Variants in HPS5 observed in about 807,000 individuals in gnomAD.
HPS5 encodes HPS5 biogenesis of lysosomal organelles complex 2 subunit 2.
A neutral mutation model predicts 128.0 loss-of-function variants in HPS5; 83 were observed. The observed-to-expected ratio is 0.65, with a 90% CI of 0.54 to 0.78. HPS5 has a LOEUF of 0.78. HPS5 is among the 30% of genes least tolerant of loss of function. The pLI is 0.00. For synonymous variants in HPS5, 475 were observed against 470.2 expected (o/e 1.01, Z -0.13); for missense variants, 1,281 against 1,326.2 (o/e 0.97, Z 0.53).
rs76157775 is a variant in HPS5 at position 18,319,788 on chromosome 11, A to T, written c.-49-1881T>A. On this transcript the variant is annotated intron_variant, in intron 1 of 22. Transcript: ENST00000349215. ...GATAAAACATTTCAATTACTCAAGA[A>T]GTCTGGTGGAAAAGGAGAAAACCTC... Among the ~76,000 whole-genome samples, 1,410 of 152,298 alleles carry T rather than the reference A, an allele frequency of 9.3e-3. 49 individuals carry two copies. Among genetic ancestry groups the T allele is most frequent in the East Asian group, 0.074 (385 of 5,184 alleles).
Position 18,291,468 on chromosome 11 carries a change from CA to C in HPS5, c.2413del (p.Trp805GlyfsTer8). ...KLSYSNSPSV[W>X]DTFIEGLKEM... ...TTTCAATCCTTCAATAAAAGTATCC[CA>C]AACAGAAGGGCTATTACTGTAACTA... On this transcript the variant is annotated frameshift_variant, in exon 16 of 23. Transcript: ENST00000349215. LOFTEE classifies it high-confidence loss of function. The C allele has an allele frequency of 6.2e-7, 1 of 1,610,442 alleles. No individual in the cohort carries two copies. Among genetic ancestry groups the C allele is most frequent in the East Asian group, 2.2e-5 (1 of 44,854 alleles).
chr11:18,320,877 T>C (rs1864235322), intron 1 of HPS5, among the ~76,000 whole-genome samples: 1 of 152,232 alleles, frequency 6.6e-6, no homozygotes. Flanking sequence ...TACACATTGA[T>C]TCAACAGAGC....
At position 18,295,007 on chromosome 11, in the gene HPS5, T is replaced by C. The variant is rs370805277; in HGVS notation, c.1784+13A>G. The C allele has an allele frequency of 9.9e-6, 16 of 1,613,620 alleles. No homozygotes were observed. The Admixed American group carries it at 1.2e-4, about 12-fold the overall frequency. On this transcript the variant is annotated intron_variant, in intron 14 of 22. Transcript: ENST00000349215. ...TCCCTAGAATGTATAGAGATTTATGTGTAAGGGCTTACTCAGTGTCTTCCT... is the reference window on the plus strand; with the variant it reads ...TCCCTAGAATGTATAGAGATTTATGCGTAAGGGCTTACTCAGTGTCTTCCT...
chr11:18,280,509 C>T (rs1472614498), intron 22 of HPS5: 3 of 688,226 alleles, frequency 4.4e-6, no homozygotes, highest in East Asian at 2.7e-5. Context: ...ATAGAATTAC[C>T]ATATGATTCC....
At chr11:18,299,847 T>C (rs1383314987) in intron 9 of HPS5, among the ~76,000 whole-genome samples, 2 of 152,180 alleles carry the variant, frequency 1.3e-5, no homozygotes, top group African/African-American at 4.8e-5. Context: ...TGGAAGACAC[T>C]ATGTTAAGTG....
At chr11:18,289,833 G>T (rs937248123) in intron 16 of HPS5, among the ~76,000 whole-genome samples, 1 of 152,206 alleles carries the variant, frequency 6.6e-6, no homozygotes, top group African/African-American at 2.4e-5. Context: ...GCTGCAGAAA[G>T]GGCAATGCAT....
At chr11:18,301,024 A>G (rs1371374029) in intron 8 of HPS5, 108 bp from the exon 9 acceptor site, 14 of 729,410 alleles carry the variant, frequency 1.9e-5, no homozygotes, top group Non-Finnish European at 3.2e-5. Flanking sequence ...CAAACTGTAC[A>G]AAGAAAACAC....
chr11:18,296,800 T>G lies in HPS5; in HGVS notation c.1508A>C (p.Glu503Ala). 6.2e-7 allele frequency: 1 copy of G among 1,614,042 alleles called. No individual in the cohort carries two copies. Among genetic ancestry groups the G allele is most frequent in the Non-Finnish European group, 8.5e-7 (1 of 1,179,920 alleles). ...CCAACAACAGACACATTCATCACCTTCATTTCCGTGTGAGCCACAACACTG... is the reference window on the plus strand; with the variant it reads ...CCAACAACAGACACATTCATCACCTGCATTTCCGTGTGAGCCACAACACTG... ...PDQCCGSHGN[E>A]DNVSHAPVMF... Residue 503 changes from glutamate to alanine, a missense_variant and splice_region_variant, in exon 12 of 23, where the codon GAA (glutamate) becomes GCA (alanine). By Grantham distance (107) the Glu-to-Ala change is moderately radical (BLOSUM62 -1). Transcript: ENST00000349215.
At chr11:18,281,736 C>A (rs1490013451) in intron 22 of HPS5, among the ~76,000 whole-genome samples, 1 of 152,168 alleles carries the variant, frequency 6.6e-6, no homozygotes, top group African/African-American at 2.4e-5. Flanking sequence ...GAATCAAGGA[C>A]ACATCAGATT....
chr11:18,293,890 AT>A (rs142513436), intron 14 of HPS5, among the ~76,000 whole-genome samples: 112 of 152,260 alleles, frequency 7.4e-4, no homozygotes, highest in African/African-American at 2.6e-3. Flanking sequence ...CTAAGGTCAG[AT>A]AGAAGGCTGC....
In HPS5 at chr11:18,280,685, A is replaced by G. The variant is rs141252167; in HGVS notation, c.3330-743T>C. The stretch of plus-strand genomic sequence containing the variant: ...GATAAACAAAAGGTGGCATATATAT[A>G]CAACGGAATATTATTCAGCCTTAAG... On this transcript the variant is annotated intron_variant, in intron 22 of 22. Coordinates refer to ENST00000349215, the MANE Select transcript of HPS5 (RefSeq NM_181507.2). 2.2e-5 allele frequency: 14 copies of G among 640,252 alleles called. No individual in the cohort carries two copies. The East Asian group carries it at 3.6e-4, about 17-fold the overall frequency. 39.7% of individuals were successfully genotyped at this position (640,252 alleles called of 1,614,324 possible).
At chr11:18,286,284 C>A (rs372476810) in intron 19 of HPS5, among the ~76,000 whole-genome samples, 2 of 152,194 alleles carry the variant, frequency 1.3e-5, no homozygotes, top group East Asian at 3.9e-4. Context: ...GTGGCTCACG[C>A]CTCTAATCCC....
At chr11:18,297,025 T>C in intron 11 of HPS5, 41 bp from the exon 12 acceptor site, 3 of 1,305,898 alleles carry the variant, frequency 2.3e-6, no homozygotes, top group South Asian at 2.5e-5. Context: ...AAGGTAAAAA[T>C]TTCCTTTATA....
rs1301243643 is a variant in HPS5 at position 18,300,853 on chromosome 11, T to C, written c.960A>G (p.Gln320=). Residue 320 remains glutamine (Q), a synonymous_variant, in exon 9 of 23, where the codon CAA becomes CAG. Coordinates refer to ENST00000349215, the MANE Select transcript of HPS5 (RefSeq NM_181507.2). ...GIYIFIPQNV[Q]VLLWSEVKDI... is the part of the protein sequence containing the mutation. The stretch of plus-strand genomic sequence containing the variant: ...CTTTGACTTCACTCCAAAGAAGAAC[T>C]TGAACATTCTGAGGAATGAAAATAT... 2.5e-6 allele frequency: 4 copies of C among 1,587,776 alleles called. No homozygotes were observed. The highest frequency in any genetic ancestry group is 1.1e-5 in the South Asian group (1 of 90,406).
chr11:18,297,003 CAAAAA>C lies in HPS5; in HGVS notation c.1324-24_1324-20del. 1 of 1,146,446 alleles carries C rather than the reference CAAAAA, an allele frequency of 8.7e-7. No homozygotes were observed. The highest frequency in any genetic ancestry group is 2.2e-5 in the Admixed American group (1 of 46,188). The allele number at this position is 1,146,446 out of a possible 1,614,324, so 71.0% of individuals were successfully genotyped here. ...AACTTTCCTAAAAATTAAAAGAATT[CAAAAA>C]AAAAAAAAGGTAAAAATTTCCTTTA... is the stretch of plus-strand genomic sequence containing the variant. On this transcript the variant is annotated intron_variant, in intron 11 of 22. Coordinates refer to ENST00000349215, the MANE Select transcript of HPS5 (RefSeq NM_181507.2).
chr11:18,287,290 A>T (rs2134247451), intron 18 of HPS5, among the ~76,000 whole-genome samples: 1 of 152,360 alleles, frequency 6.6e-6, no homozygotes, highest in South Asian at 2.1e-4. Context: ...CCCTGAATCA[A>T]GGGATTAATT....
intron 8 of HPS5, among the ~76,000 whole-genome samples, chr11:18,303,304 G>C (rs1554940444): frequency 6.6e-6 from 1 of 152,186 alleles, no homozygotes. Flanking sequence ...CTGATGCTGG[G>C]ATGCATACTC....
rs771916227 is a variant in HPS5 at position 18,291,743 on chromosome 11, T to C, written c.2139A>G (p.Pro713=). 1 of 1,614,228 alleles carries C rather than the reference T, an allele frequency of 6.2e-7. No homozygotes were observed. The highest frequency in any genetic ancestry group is 1.1e-5 in the South Asian group (1 of 91,082). The change falls in exon 16 of 23, where the codon CCA becomes CCG. Residue 713 remains proline, a synonymous_variant. Coordinates refer to ENST00000349215, the MANE Select transcript of HPS5 (RefSeq NM_181507.2). The part of the protein sequence containing the change: ...DKTACECVRS[P]RESLDDLFQI... ...GAAACAGGTCATCCAAAGACTCCCT[T>C]GGACTCCTTACACATTCACATGCTG... is the stretch of plus-strand genomic sequence containing the variant.
chr11:18,285,565 A>G, intron 19 of HPS5, 106 bp from the exon 20 acceptor site: 1 of 765,794 alleles, frequency 1.3e-6, no homozygotes, highest in South Asian at 1.6e-5. Flanking sequence ...TTCTATTACT[A>G]CATTTTAAAA....
Sources: gnomAD v4.1 joint callset for allele counts (sites outside exome capture counted in the v4.1 genomes callset) on GRCh38, gnomAD v4.1.1 for gene constraint, MANE v1.5 for transcripts, NCBI Gene and HGNC (gene_info 2026-07-23, HGNC 2026-07-21) for gene names.